Variants in ROBO2 observed in about 807,000 individuals in gnomAD.
ROBO2 encodes the protein roundabout guidance receptor 2.
ROBO2 carries 53 observed loss-of-function variants against 160.8 expected under a neutral mutation model. The ratio of observed to expected loss-of-function variants is 0.33; its 90% confidence interval spans 0.26 to 0.41. The LOEUF is 0.41. Among genes scored for constraint, ROBO2 ranks in the 10% least tolerant of loss-of-function variants. The pLI is 1.00. For missense variants in ROBO2, 1,577 were observed against 1,722.4 expected (o/e 0.92, Z 1.49); for synonymous variants, 664 against 611.7 (o/e 1.09, Z -1.26).
intron 2 of ROBO2, among the ~76,000 whole-genome samples, chr3:76,702,007 T>C (rs79343915): frequency 0.018 from 2,674 of 152,126 alleles, 99 homozygotes; most frequent in African/African-American, 0.061. Context: ...CCAATATCTA[T>C]ATATTTTGTC....
chr3:76,467,031 A>G (rs981732123), intron 2 of ROBO2, among the ~76,000 whole-genome samples: 1 of 152,062 alleles, frequency 6.6e-6, no homozygotes, highest in Non-Finnish European at 1.5e-5. Context: ...GCTGAAAAAC[A>G]ATATACTACA....
intron 2 of ROBO2, among the ~76,000 whole-genome samples, chr3:76,335,178 G>GTTTTTTTTTTT (rs34963831): frequency 5.1e-5 from 4 of 77,894 alleles, no homozygotes; most frequent in African/African-American, 1.0e-4. Context: ...TTTCTGTTTT[G>GTTTTTTTTTTT]TTTTTTTTTT....
At chr3:76,270,785 A>C (rs1386270625) in intron 2 of ROBO2, among the ~76,000 whole-genome samples, 1 of 152,110 alleles carries the variant, frequency 6.6e-6, no homozygotes, top group Non-Finnish European at 1.5e-5. Context: ...GTAATGTGAA[A>C]TAGTTTAGAG....
intron 2 of ROBO2, among the ~76,000 whole-genome samples, chr3:76,834,259 C>T (rs1299131019): frequency 6.7e-6 from 1 of 150,356 alleles, no homozygotes; most frequent in Non-Finnish European, 1.5e-5. Context: ...AGCTGGAGTG[C>T]AGTGGTACAA....
chr3:76,765,031 T>C (rs774779937), intron 2 of ROBO2, among the ~76,000 whole-genome samples: 1 of 151,636 alleles, frequency 6.6e-6, no homozygotes, highest in Non-Finnish European at 1.5e-5. Flanking sequence ...TTGTACCCAA[T>C]AGGTAATTTT....
chr3:76,948,880 A>T (rs1303641887), intron 2 of ROBO2, among the ~76,000 whole-genome samples: 51 of 44,180 alleles, frequency 1.2e-3, no homozygotes, highest in African/African-American at 6.6e-3. Context: ...AATTTTATAT[A>T]TATATATATA....
intron 2 of ROBO2, among the ~76,000 whole-genome samples, chr3:76,669,015 C>A (rs139532316): frequency 9.9e-4 from 150 of 152,100 alleles, no homozygotes; most frequent in African/African-American, 3.4e-3. Context: ...TGTAGTACAG[C>A]GAGAGAGGGG....
intron 23 of ROBO2, 124 bp downstream of exon 24, chr3:77,622,556 G>T: frequency 1.2e-6 from 1 of 832,062 alleles, no homozygotes; most frequent in African/African-American, 1.7e-5. Context: ...TTTTAAATGT[G>T]TTAATATTAA....
intron 2 of ROBO2, among the ~76,000 whole-genome samples, chr3:76,776,281 T>G (rs552459829): frequency 1.5e-4 from 23 of 151,116 alleles, no homozygotes; most frequent in African/African-American, 4.6e-4. Flanking sequence ...TGCTGATAAC[T>G]GATTGATTTT....
In ROBO2 at chr3:76,060,131, G is replaced by A. The variant is rs1252317407; in HGVS notation, c.109+122529G>A. ...ATGTTTTTTTTTTTAAAGACAATGT[G>A]ATTTGAGTATTTGATTATCATCACT... On this transcript the variant is annotated intron_variant, in intron 2 of 26. Coordinates refer to the ROBO2 transcript ENST00000487694. 2.0e-5 allele frequency among the ~76,000 whole-genome samples: 3 copies of A among 151,912 alleles called. No individual in the cohort carries two copies. In the East Asian group the frequency reaches 5.8e-4, roughly 29 times the overall value.
rs898832599 is a variant in ROBO2 at position 76,628,342 on chromosome 3, G to A, written c.110-469672G>A. ...ACAGCTTACCGCAACCCCAAACTCC[G>A]CAACCCCAAACTCCTAGGCTCAAGT... On this transcript the variant is annotated intron_variant, in intron 2 of 26. Transcript: ENST00000487694. Among the ~76,000 whole-genome samples the A allele has an allele frequency of 3.3e-5, 5 of 151,242 alleles. No homozygotes were observed. The East Asian group carries it at 5.9e-4, about 18-fold the overall frequency.
In ROBO2 at chr3:77,482,227, G is replaced by A. The variant is rs149352742; in HGVS notation, c.667+1008G>A. ...ATTTTCAAATTATTTTTCAGTAGCG[G>A]TAAAATAATCCTCTACTTCTGTGCA... On this transcript the variant is annotated intron_variant, in intron 4 of 25. Transcript: ENST00000461745. Among the ~76,000 whole-genome samples the A allele has an allele frequency of 3.6e-3, 550 of 152,206 alleles. 1 individual carries two copies. Among genetic ancestry groups the A allele is most frequent in the Middle Eastern group, 0.014 (4 of 294 alleles).
intron 2 of ROBO2, chr3:76,434,908 C>T (rs1054454005): frequency 1.9e-6 from 3 of 1,600,956 alleles, no homozygotes; most frequent in African/African-American, 2.7e-5. Context: ...TTCTCTGCAC[C>T]TAAACCCCAA....
At chr3:77,425,956 C>T (rs145313736) in intron 2 of ROBO2, among the ~76,000 whole-genome samples, 142 of 152,150 alleles carry the variant, frequency 9.3e-4, no homozygotes, top group Non-Finnish European at 1.5e-3. Flanking sequence ...AGCCACAGCG[C>T]CCAGCCCCTT....
chr3:77,522,625 C>A, intron 5 of ROBO2, 150 bp from the exon 6 acceptor site: 1 of 738,242 alleles, frequency 1.4e-6, no homozygotes, highest in Admixed American at 2.4e-5. Flanking sequence ...TATCTTTAAT[C>A]TAAGTAATTG....
At chr3:77,426,721 G>C (rs2078249686) in intron 2 of ROBO2, among the ~76,000 whole-genome samples, 2 of 149,858 alleles carry the variant, frequency 1.3e-5, no homozygotes, top group African/African-American at 4.9e-5. Context: ...AGGAAGGAAG[G>C]AAGGAAGGAA....
At chr3:77,625,794 A>G (rs1035796942) in intron 23 of ROBO2, among the ~76,000 whole-genome samples, 21 of 152,186 alleles carry the variant, frequency 1.4e-4, no homozygotes, top group Non-Finnish European at 7.3e-5. Context: ...ACAAACAAAA[A>G]CTAAGAAGAA....
chr3:75,959,933 A>G (rs1214251418), intron 2 of ROBO2, among the ~76,000 whole-genome samples: 1 of 151,824 alleles, frequency 6.6e-6, no homozygotes, highest in Admixed American at 6.6e-5. Context: ...TATAAATGAT[A>G]CAGGACTCAC....
chr3:76,041,859 G>A (rs73841082), intron 2 of ROBO2, among the ~76,000 whole-genome samples: 16,556 of 151,808 alleles, frequency 0.11, 1,082 homozygotes, highest in Non-Finnish European at 0.14. Flanking sequence ...TGGCGCAAAC[G>A]CATTGCCATT....
Sources: allele counts gnomAD v4.1 joint callset (sites outside exome capture counted in the v4.1 genomes callset), GRCh38; gene constraint gnomAD v4.1.1; transcripts MANE v1.5; gene names NCBI Gene and HGNC (gene_info 2026-07-23, HGNC 2026-07-21).